The following PRMT7 variants were observed in gnomAD, a reference collection of about 807,000 sequenced individuals.
The protein encoded by PRMT7 is protein arginine methyltransferase 7.
Under a neutral mutation model 85.4 loss-of-function variants are expected in PRMT7, and 75 were observed. That is an observed-to-expected ratio of 0.88 (90% CI 0.73 to 1.06). PRMT7 has a LOEUF of 1.06. Among genes scored for constraint, PRMT7 ranks in the 50% least tolerant of loss-of-function variants. PRMT7 has a pLI of 0.00. For missense variants in PRMT7, 868 were observed against 915.2 expected, an observed-to-expected ratio of 0.95 and a Z score of 0.67; for synonymous variants, 397 against 359.5, an observed-to-expected ratio of 1.10 and a Z score of -1.18.
Position 68,357,074 on chromosome 16 carries a change from C to G in PRMT7, c.1929C>G (p.Pro643=). Residue 643 remains proline (P), a synonymous_variant, in exon 19 of 19, where the codon CCC becomes CCG. Transcript: ENST00000441236. ...TACAGGGGGGCTGCTGCTGGAACCC[C>G]CACTGCAAGCAGGCCGTCTACTTCT... The part of the protein sequence containing the change: ...ADPEGGCCWN[P]HCKQAVYFFS... 2 of 1,610,712 alleles carry G rather than the reference C, an allele frequency of 1.2e-6. No individual in the cohort carries two copies. Among genetic ancestry groups the G allele is most frequent in the Non-Finnish European group, 1.7e-6 (2 of 1,178,410 alleles).
chr16:68,320,765 T>G (rs2082394454), intron 3 of PRMT7, among the ~76,000 whole-genome samples: 1 of 152,176 alleles, frequency 6.6e-6, no homozygotes, highest in East Asian at 1.9e-4. Context: ...TCTCTGAGAC[T>G]TTTTTCTGCA....
intron 5 of PRMT7, among the ~76,000 whole-genome samples, chr16:68,327,168 A>G (rs1441097677): frequency 6.6e-6 from 1 of 152,220 alleles, no homozygotes; most frequent in Non-Finnish European, 1.5e-5. Context: ...TCCCTTGATT[A>G]TAGTAAAAAA....
chr16:68,335,613 C>G (rs971322576), intron 6 of PRMT7, among the ~76,000 whole-genome samples: 20 of 151,560 alleles, frequency 1.3e-4, no homozygotes, highest in African/African-American at 4.9e-4. Context: ...TTCATCATCC[C>G]GACCACCACC....
chr16:68,321,949 CA>C (rs1411118811), intron 4 of PRMT7, among the ~76,000 whole-genome samples: 1 of 151,090 alleles, frequency 6.6e-6, no homozygotes, highest in Non-Finnish European at 1.5e-5. Context: ...CTGAGTTCAA[CA>C]TTTTTTTTTT....
chr16:68,313,363 T>G (rs1002047746), intron 2 of PRMT7, among the ~76,000 whole-genome samples: 1 of 152,156 alleles, frequency 6.6e-6, no homozygotes, highest in South Asian at 2.1e-4. Context: ...TGAAGTGACT[T>G]CAGAATTGAT....
In PRMT7 at chr16:68,344,475, G is replaced by T. The variant is rs1456462317; in HGVS notation, c.928-1200G>T. Among the ~76,000 whole-genome samples, 3 of 152,154 alleles carry T rather than the reference G, an allele frequency of 2.0e-5. No homozygotes were observed. In the South Asian group the frequency reaches 6.2e-4, roughly 32 times the overall value. Reference sequence around the variant, plus strand: ...GGGCCCCGTGGCCTTCAGCAGCAGCGTTTAAGATGTCTGTCCGTATTCTGC... The same window carrying T: ...GGGCCCCGTGGCCTTCAGCAGCAGCTTTTAAGATGTCTGTCCGTATTCTGC... On this transcript the variant is annotated intron_variant, in intron 9 of 18. Transcript: ENST00000441236.
intron 9 of PRMT7, among the ~76,000 whole-genome samples, chr16:68,344,928 A>G (rs898129848): frequency 2.8e-4 from 37 of 133,542 alleles, no homozygotes; most frequent in African/African-American, 1.0e-3. Context: ...CCCTTCCTGC[A>G]TCTCTACACA....
chr16:68,355,301 T>G, intron 16 of PRMT7: 1 of 155,514 alleles, frequency 6.4e-6, no homozygotes, highest in Non-Finnish European at 1.4e-5. Flanking sequence ...GCATCCCTCC[T>G]GGATGCAGGT....
intron 16 of PRMT7, chr16:68,354,693 G>A: frequency 6.5e-6 from 1 of 152,934 alleles, no homozygotes; most frequent in Non-Finnish European, 1.5e-5. Context: ...CCTGCTCATG[G>A]CCTGCCCACC....
At chr16:68,311,206 C>G in intron 1 of PRMT7, 107 bp downstream of exon 1, 1 of 553,470 alleles carries the variant, frequency 1.8e-6, no homozygotes, top group Non-Finnish European at 3.3e-6. Context: ...TAGCGTGGGC[C>G]TACTTGGACT....
chr16:68,335,400 G>A (rs536759148), intron 6 of PRMT7, among the ~76,000 whole-genome samples: 1 of 152,204 alleles, frequency 6.6e-6, no homozygotes, highest in East Asian at 1.9e-4. Context: ...GGAGGAGCAG[G>A]CGTGTTAGCT....
At chr16:68,356,392 CAG>C (rs1356049592) in intron 17 of PRMT7, among the ~76,000 whole-genome samples, 1 of 152,234 alleles carries the variant, frequency 6.6e-6, no homozygotes, top group Non-Finnish European at 1.5e-5. Flanking sequence ...TCTGGGGCAT[CAG>C]AGGGGCCTTC....
chr16:68,338,857 AGGAGCC>A (rs962665495), intron 7 of PRMT7, among the ~76,000 whole-genome samples: 4 of 152,168 alleles, frequency 2.6e-5, no homozygotes, highest in South Asian at 2.1e-4. Context: ...GAGCCGGACA[AGGAGCC>A]GGAGCCGGAG....
intron 3 of PRMT7, among the ~76,000 whole-genome samples, chr16:68,319,711 A>AGAGTGT (rs1555543581): frequency 4.9e-5 from 7 of 141,446 alleles, no homozygotes; most frequent in African/African-American, 1.1e-4. Context: ...TAAGAGTGAG[A>AGAGTGT]GTGTGTGTGT....
intron 5 of PRMT7, chr16:68,328,601 C>G (rs577442504): frequency 6.0e-6 from 1 of 166,284 alleles, no homozygotes; most frequent in East Asian, 1.6e-4. Flanking sequence ...AATGTATCCC[C>G]CATGGACAAG....
Position 68,324,812 on chromosome 16 carries a change from G to A in PRMT7, c.262G>A (p.Asp88Asn), listed in dbSNP as rs377261290. 47 of 1,613,964 alleles carry A rather than the reference G, an allele frequency of 2.9e-5. No individual in the cohort carries two copies. In the Middle Eastern group the frequency reaches 5.0e-4, roughly 17 times the overall value. The change falls in exon 5 of 19, where the codon GAC becomes AAC. Residue 88 changes from aspartate (D) to asparagine (N), a missense_variant. Transcript: ENST00000441236. ...AATGATGGCGGTCACAGCAGGTGCCGACTTCTGCTATGCCATCGAGGTAAG... is the reference window on the plus strand; with the variant it reads ...AATGATGGCGGTCACAGCAGGTGCCAACTTCTGCTATGCCATCGAGGTAAG... ...LSMMAVTAGA[D>N]FCYAIEVFKP...
At chr16:68,335,968 G>C (rs1370131551) in intron 6 of PRMT7, among the ~76,000 whole-genome samples, 3 of 151,998 alleles carry the variant, frequency 2.0e-5, no homozygotes, top group Non-Finnish European at 4.4e-5. Context: ...GTAGAGACAG[G>C]GTTTCACCAC....
At chr16:68,315,876 G>T (rs1417330674) in intron 2 of PRMT7, 21 bp from the exon 3 acceptor site, 1 of 937,624 alleles carries the variant, frequency 1.1e-6, no homozygotes, top group Non-Finnish European at 1.7e-6. Context: ...TATACCTCCT[G>T]TTTCCTTCTG....
chr16:68,338,545 G>A (rs1299794510), intron 7 of PRMT7, among the ~76,000 whole-genome samples: 7 of 152,126 alleles, frequency 4.6e-5, no homozygotes, highest in Admixed American at 2.0e-4. Context: ...CCGGACCAGG[G>A]AGTCCCCTTG....
Sources: allele counts gnomAD v4.1 joint callset (sites outside exome capture counted in the v4.1 genomes callset), GRCh38; gene constraint gnomAD v4.1.1; transcripts MANE v1.5; gene names NCBI Gene and HGNC (gene_info 2026-07-23, HGNC 2026-07-21).